OR1S1: variants seen among roughly 807,000 people sequenced by gnomAD.
OR1S1 encodes the protein olfactory receptor family 1 subfamily S member 1, also known as olfactory receptor 1S1.
For missense variants in OR1S1, 411 were observed against 367.5 expected, an observed-to-expected ratio of 1.12 and a Z score of -0.97; for synonymous variants, 156 against 143.9, an observed-to-expected ratio of 1.08 and a Z score of -0.60.
exon 2 of OR1S1, chr11:58,215,595 A>G (rs772574342): frequency 1.7e-5 from 28 of 1,613,956 alleles, no homozygotes; most frequent in Non-Finnish European, 2.1e-5. Flanking sequence ...GAGGACACTG[A>G]TAAGATTGGT....
chr11:58,215,019 C>A, exon 2 of OR1S1: 1 of 1,614,116 alleles, frequency 6.2e-7, no homozygotes, highest in Non-Finnish European at 8.5e-7. Flanking sequence ...AACTCAGTCC[C>A]CAAAATGCTG....
exon 2 of OR1S1, chr11:58,215,417 A>T (rs559413431): frequency 7.4e-6 from 12 of 1,613,920 alleles, no homozygotes; most frequent in Non-Finnish European, 1.0e-5. Flanking sequence ...CTTCCCCTTT[A>T]CACTCAGCTT....
At position 58,215,078 on chromosome 11, in the gene OR1S1, A is replaced by G. The variant is rs745566775; in HGVS notation, c.295A>G (p.Thr99Ala). 76 of 1,614,018 alleles carry G rather than the reference A, an allele frequency of 4.7e-5. No individual in the cohort carries two copies. The East Asian group carries it at 1.5e-3, about 33-fold the overall frequency. Residue 99 changes from threonine to alanine, a missense_variant, in exon 2 of 2, where the codon ACA becomes GCA. Transcript: ENST00000641544. ...ATCCATCTCTTATGAGAGCTGCATCACACAGATGTACTTTTCTATTGTGTT... is the reference window on the plus strand; with the variant it reads ...ATCCATCTCTTATGAGAGCTGCATCGCACAGATGTACTTTTCTATTGTGTT...
At chr11:58,215,506 T>C in exon 2 of OR1S1, 1 of 1,614,172 alleles carries the variant, frequency 6.2e-7, no homozygotes, top group Non-Finnish European at 8.5e-7. Context: ...TCTCCACTTG[T>C]GGCTCTCACC....
exon 2 of OR1S1, chr11:58,215,684 C>T (rs1421229007): frequency 8.7e-6 from 14 of 1,613,518 alleles, no homozygotes; most frequent in Middle Eastern, 1.7e-4. Context: ...GAAAGGTGCC[C>T]TGAGAAAGCT....
At chr11:58,214,765 T>C (rs753117358) in exon 2 of OR1S1, 1 of 1,613,868 alleles carries the variant, frequency 6.2e-7, no homozygotes, top group South Asian at 1.1e-5. Context: ...TTAGTTCCTT[T>C]CTTCAGATCG....
chr11:58,214,519 A>G (rs750588079), intron 1 of OR1S1, among the ~76,000 whole-genome samples: 9 of 152,198 alleles, frequency 5.9e-5, no homozygotes, highest in Non-Finnish European at 1.2e-4. Context: ...ATTTAGAACC[A>G]ACTGGAAAAA....
chr11:58,215,692 G>A lies in OR1S1; in HGVS notation c.909G>A (p.Lys303=), dbSNP rs373110313. The change falls in exon 2 of 2, where the codon AAG becomes AAA. Residue 303 remains lysine (K), a synonymous_variant. Transcript: ENST00000641544. Reference sequence around the variant, plus strand: ...AGGATATGAAAGGTGCCCTGAGAAAGCTCATCAATAGAAAAATTTCTTCCC... The same window carrying A: ...AGGATATGAAAGGTGCCCTGAGAAAACTCATCAATAGAAAAATTTCTTCCC... The A allele has an allele frequency of 3.7e-6, 6 of 1,612,502 alleles. No homozygotes were observed. The African/African-American group carries it at 8.0e-5, about 22-fold the overall frequency.
intron 1 of OR1S1, 149 bp from the exon 2 acceptor site, chr11:58,214,579 CG>C: frequency 1.6e-6 from 1 of 622,486 alleles, no homozygotes; most frequent in East Asian, 2.8e-5. Context: ...TGAGAAGTTT[CG>C]GCCATGTCCT....
At chr11:58,214,674 A>G (rs1852895697) in intron 1 of OR1S1, 55 bp from the exon 2 acceptor site, 2 of 1,361,878 alleles carry the variant, frequency 1.5e-6, no homozygotes, top group African/African-American at 2.9e-5. Context: ...TAAGCAGAAG[A>G]AACTTTATTC....
chr11:58,213,226 G>A (rs1352932728), intron 1 of OR1S1, among the ~76,000 whole-genome samples: 2 of 151,206 alleles, frequency 1.3e-5, no homozygotes, highest in African/African-American at 2.4e-5. Context: ...AAAGTGAGAG[G>A]GAGACAAATG....
intron 1 of OR1S1, among the ~76,000 whole-genome samples, chr11:58,214,089 C>T (rs1852877478): frequency 1.3e-5 from 2 of 152,192 alleles, no homozygotes; most frequent in African/African-American, 4.8e-5. Context: ...GCCATCGTAG[C>T]CTGATCCAGT....
exon 2 of OR1S1, chr11:58,215,660 A>G: frequency 2.5e-6 from 4 of 1,614,022 alleles, no homozygotes; most frequent in Non-Finnish European, 3.4e-6. Context: ...CTACAGCTTG[A>G]GGAATAAGGA....
At chr11:58,215,545 C>G in exon 2 of OR1S1, 1 of 1,614,066 alleles carries the variant, frequency 6.2e-7, no homozygotes, top group South Asian at 1.1e-5. Flanking sequence ...TCTACGGAAC[C>G]ATTGTAGGCG....
chr11:58,214,856 A>T (rs1852903991), exon 2 of OR1S1: 1 of 1,613,914 alleles, frequency 6.2e-7, no homozygotes, highest in Non-Finnish European at 8.5e-7. Flanking sequence ...TGAGCATCAA[A>T]ACCTCCTCTT....
exon 2 of OR1S1, chr11:58,216,049 T>A: frequency 4.1e-6 from 1 of 246,466 alleles, no homozygotes; most frequent in Non-Finnish European, 7.9e-6. Context: ...AAATAAGACC[T>A]ATTGTTTGAT....
rs141964803 is a variant in OR1S1, at chr11:58,215,547, T to C, written c.764T>C (p.Ile255Thr). ...GTTGTATTACTGTTCTACGGAACCATTGTAGGCGTGTACTTTTTCCCCTCC... is the reference window on the plus strand; with the variant it reads ...GTTGTATTACTGTTCTACGGAACCACTGTAGGCGTGTACTTTTTCCCCTCC... Residue 255 changes from isoleucine to threonine, a missense_variant, in exon 2 of 2, where the codon ATT becomes ACT. By Grantham distance (89) the Ile-to-Thr change is moderately conservative. Transcript: ENST00000641544. The C allele has an allele frequency of 3.4e-4, 543 of 1,613,946 alleles. 4 individuals are homozygous for C. Among genetic ancestry groups the C allele is most frequent in the South Asian group, 3.6e-4 (33 of 91,072 alleles).
In OR1S1 at chr11:58,215,157, C is replaced by A. The variant is rs374879241; in HGVS notation, c.374C>A (p.Ala125Glu). The A allele has an allele frequency of 6.9e-5, 112 of 1,613,996 alleles. No homozygotes were observed. The highest frequency in any genetic ancestry group is 9.0e-5 in the Non-Finnish European group (106 of 1,180,002). Residue 125 changes from alanine to glutamate, a missense_variant, in exon 2 of 2, where the codon GCG (alanine) becomes GAG (glutamate). Physicochemically the swap from Ala to Glu is moderately radical, Grantham distance 107. Coordinates refer to ENST00000641544, the Ensembl canonical transcript of OR1S1. ...ACCATGGCCTATGACCACTTTGTGG[C>A]GATCTGCCACCCTCTGAATTATACA... is the stretch of plus-strand genomic sequence containing the variant.
Position 58,214,989 on chromosome 11 carries a change from C to T in OR1S1, c.206C>T (p.Ala69Val), listed in dbSNP as rs113699396. 23 of 1,614,162 alleles carry T rather than the reference C, an allele frequency of 1.4e-5. No homozygotes were observed. The African/African-American group carries it at 2.9e-4, about 21-fold the overall frequency. The change falls in exon 2 of 2, where the codon GCT becomes GTT. Residue 69 changes from alanine to valine, a missense_variant. Coordinates refer to ENST00000641544, the Ensembl canonical transcript of OR1S1. ...CTCTTCCTTGCCAATCTATCCTTTG[C>T]TGATATTTCCTCCATTTCCAACTCA... is the stretch of plus-strand genomic sequence containing the variant.
Sources: gnomAD v4.1 joint callset for allele counts (sites outside exome capture counted in the v4.1 genomes callset) on GRCh38, gnomAD v4.1.1 for gene constraint, MANE v1.5 for transcripts, NCBI Gene and HGNC (gene_info 2026-07-23, HGNC 2026-07-21) for gene names.